The following KIF13A variants were observed in gnomAD, a reference collection of about 807,000 sequenced individuals.
KIF13A encodes kinesin family member 13A.
KIF13A carries 79 observed loss-of-function variants against 212.2 expected under a neutral mutation model. That is an observed-to-expected ratio of 0.37 (90% CI 0.31 to 0.45). The LOEUF (loss-of-function observed/expected upper bound fraction) is 0.45. Ranked by LOEUF, KIF13A falls within the 20% of genes least tolerant of loss-of-function variation. KIF13A has a pLI of 1.00. For missense variants in KIF13A, 1,901 were observed against 2,209.0 expected, an observed-to-expected ratio of 0.86 and a Z score of 2.79; for synonymous variants, 789 against 808.6, an observed-to-expected ratio of 0.98 and a Z score of 0.41.
In KIF13A at chr6:17,768,470, G is replaced by A. The variant is rs1190271054; in HGVS notation, c.4581+2644C>T. Among the ~76,000 whole-genome samples the A allele has an allele frequency of 2.0e-5, 3 of 152,124 alleles. No homozygotes were observed. Among genetic ancestry groups the A allele is most frequent in the Admixed American group, 6.5e-5 (1 of 15,270 alleles). On this transcript the variant is annotated intron_variant, in intron 38 of 38. Transcript: ENST00000259711. The surrounding 1 kb of genome is among the most constrained non-coding windows in gnomAD (Gnocchi z 5.4). The stretch of plus-strand genomic sequence containing the variant: ...TTTCCACTCCTATTATAATCATGTC[G>A]TGCTGTTCACCAGAGATCTCTGTTT...
intron 33 of KIF13A, among the ~76,000 whole-genome samples, chr6:17,778,720 A>T (rs1023646798): frequency 6.6e-6 from 1 of 152,206 alleles, no homozygotes; most frequent in Admixed American, 6.5e-5. Flanking sequence ...ATGAAATAAT[A>T]TACCTAAATT....
At chr6:17,909,844 G>C (rs542192099) in intron 2 of KIF13A, among the ~76,000 whole-genome samples, 1 of 151,982 alleles carries the variant, frequency 6.6e-6, no homozygotes, top group Non-Finnish European at 1.5e-5. Flanking sequence ...GAGATTGCAC[G>C]ACTGCACTCT....
Position 17,828,806 on chromosome 6 carries a change from T to G in KIF13A, c.1402-436A>C, listed in dbSNP as rs563788142. ...TGAAAGTGTTTTGAAAACAGTTACA[T>G]AAATTTAAGAACCATTAAAAAGCAG... On this transcript the variant is annotated intron_variant, in intron 13 of 38. Coordinates refer to ENST00000259711, the MANE Select transcript of KIF13A (RefSeq NM_022113.6). This position sits in a 1 kb window ranked among gnomAD's most constrained non-coding sequence, Gnocchi z 4.3. 6.6e-6 allele frequency among the ~76,000 whole-genome samples: 1 copy of G among 152,330 alleles called. No individual in the cohort carries two copies. Among genetic ancestry groups the G allele is most frequent in the South Asian group, 2.1e-4 (1 of 4,832 alleles).
At chr6:17,865,804 A>G (rs1380061019) in intron 4 of KIF13A, among the ~76,000 whole-genome samples, 1 of 152,172 alleles carries the variant, frequency 6.6e-6, no homozygotes, top group Non-Finnish European at 1.5e-5. Context: ...AGGGTAATAG[A>G]CCACGGACAC....
chr6:17,933,202 G>A (rs1462432530), intron 2 of KIF13A, among the ~76,000 whole-genome samples: 1 of 152,032 alleles, frequency 6.6e-6, no homozygotes, highest in Non-Finnish European at 1.5e-5. Flanking sequence ...CCAAGAAAGT[G>A]CAGGTATAAC....
chr6:17,771,243 G>C lies in KIF13A; in HGVS notation c.4477-25C>G. 1 of 1,506,088 alleles carries C rather than the reference G, an allele frequency of 6.6e-7. No individual in the cohort carries two copies. The highest frequency in any genetic ancestry group is 9.2e-7 in the Non-Finnish European group (1 of 1,086,976). The allele number at this position is 1,506,088 out of a possible 1,614,324, so 93.3% of individuals were successfully genotyped here. ...TCTGCAAAGGTTAAGACACACAGAT[G>C]CATCACACACAAAGACGACAACGGC... On this transcript the variant is annotated intron_variant, in intron 37 of 38. Transcript: ENST00000259711. The surrounding 1 kb of genome is among the most constrained non-coding windows in gnomAD (Gnocchi z 5.4).
chr6:17,884,755 C>T (rs1282414746), intron 3 of KIF13A, among the ~76,000 whole-genome samples: 2 of 152,204 alleles, frequency 1.3e-5, no homozygotes, highest in African/African-American at 4.8e-5. Context: ...TCTCTTTGTA[C>T]AATTAATCCG....
At position 17,811,833 on chromosome 6, in the gene KIF13A, TTTTC is replaced by T. The variant is rs1033139400; in HGVS notation, c.2001-2907_2001-2904del. ...TCCTTCCTTCCTTCTCTCCCTCCCT[TTTTC>T]TTTCTTTCCTTCTCTCTCTCTCTTT... On this transcript the variant is annotated intron_variant, in intron 17 of 38. Transcript: ENST00000259711. This position sits in a 1 kb window ranked among gnomAD's most constrained non-coding sequence, Gnocchi z 6.0. 8.0e-5 allele frequency among the ~76,000 whole-genome samples: 12 copies of T among 150,056 alleles called. No individual in the cohort carries two copies. The highest frequency in any genetic ancestry group is 2.9e-4 in the African/African-American group (12 of 41,006).
At chr6:17,780,296 A>T (rs192654140) in intron 31 of KIF13A, among the ~76,000 whole-genome samples, 1 of 152,226 alleles carries the variant, frequency 6.6e-6, no homozygotes, top group Non-Finnish European at 1.5e-5. Flanking sequence ...GTCTTTCCTG[A>T]GATGGCTAGA....
At chr6:17,929,821 C>T (rs1581763226) in intron 2 of KIF13A, among the ~76,000 whole-genome samples, 1 of 152,222 alleles carries the variant, frequency 6.6e-6, no homozygotes, top group Non-Finnish European at 1.5e-5. Context: ...GGGTTATAGG[C>T]GTGAGCCACC....
At chr6:17,831,804 G>A (rs1765479405) in intron 12 of KIF13A, among the ~76,000 whole-genome samples, 1 of 150,250 alleles carries the variant, frequency 6.7e-6, no homozygotes, top group South Asian at 2.2e-4. Flanking sequence ...GGTCTCTACT[G>A]CGGAAGGCCT....
chr6:17,771,484 T>C lies in KIF13A; in HGVS notation c.4477-266A>G. 2.3e-6 allele frequency: 1 copy of C among 436,750 alleles called. No homozygotes were observed. Among genetic ancestry groups the C allele is most frequent in the East Asian group, 4.0e-5 (1 of 24,966 alleles). 27.1% of individuals were successfully genotyped at this position (436,750 alleles called of 1,614,324 possible). On this transcript the variant is annotated intron_variant, in intron 37 of 38. Coordinates refer to ENST00000259711, the MANE Select transcript of KIF13A (RefSeq NM_022113.6). This position sits in a 1 kb window ranked among gnomAD's most constrained non-coding sequence, Gnocchi z 5.4. ...GCTCATGCCTGCAATCCCAGTGCCT[T>C]GGGAGGCTGGGGCAAAAGAATCACT... is the stretch of plus-strand genomic sequence containing the variant.
chr6:17,764,428 T>A lies in KIF13A; in HGVS notation c.5100A>T (p.Ser1700=), dbSNP rs748110739. Residue 1700 remains serine, a synonymous_variant, in exon 39 of 39, where the codon TCA becomes TCT. Coordinates refer to ENST00000259711, the MANE Select transcript of KIF13A (RefSeq NM_022113.6). The surrounding 1 kb of genome is among the most constrained non-coding windows in gnomAD (Gnocchi z 5.1). ...SKSLCRTGSC[S]ELDACPSKIS... is the part of the protein sequence containing the mutation. Reference sequence around the variant, plus strand: ...TTTTGCTGGGGCAGGCATCTAGTTCTGAACATGAGCCAGTCCTGCACAGTG... The same window carrying A: ...TTTTGCTGGGGCAGGCATCTAGTTCAGAACATGAGCCAGTCCTGCACAGTG... 6.2e-7 allele frequency: 1 copy of A among 1,614,050 alleles called. No homozygotes were observed. The highest frequency in any genetic ancestry group is 8.5e-7 in the Non-Finnish European group (1 of 1,179,898).
At chr6:17,761,027 T>C, downstream of KIF13A, 2 of 692,674 alleles carry the variant, frequency 2.9e-6, no homozygotes, top group Non-Finnish European at 4.9e-6. Context: ...TGGAATCCAG[T>C]GCTGGAATCC....
intron 2 of KIF13A, among the ~76,000 whole-genome samples, chr6:17,974,491 TG>T (rs1780102772): frequency 6.6e-6 from 1 of 152,200 alleles, no homozygotes; most frequent in Non-Finnish European, 1.5e-5. Context: ...AACCTTTGGA[TG>T]GCTATACCCC....
At position 17,926,203 on chromosome 6, in the gene KIF13A, C is replaced by T. The variant is rs908188342; in HGVS notation, c.147-28023G>A. On this transcript the variant is annotated intron_variant, in intron 2 of 38. Coordinates refer to ENST00000259711, the MANE Select transcript of KIF13A (RefSeq NM_022113.6). The surrounding 1 kb of genome is among the most constrained non-coding windows in gnomAD (Gnocchi z 4.3). ...AACATTCAGTTCTTGTAAACTTCCA[C>T]GAATTCCTAAATTTATCTGTCTCCT... is the stretch of plus-strand genomic sequence containing the variant. Among the ~76,000 whole-genome samples, 5 of 152,056 alleles carry T rather than the reference C, an allele frequency of 3.3e-5. No individual in the cohort carries two copies. The highest frequency in any genetic ancestry group is 1.9e-4 in the East Asian group (1 of 5,196).
chr6:17,760,800 G>T (rs114131556), downstream of KIF13A: 124 of 1,583,462 alleles, frequency 7.8e-5, no homozygotes, highest in Non-Finnish European at 1.0e-4. Flanking sequence ...GCTTGCCCAA[G>T]GTGACCAGGC....
intron 2 of KIF13A, among the ~76,000 whole-genome samples, chr6:17,970,976 C>T (rs1218602471): frequency 6.6e-6 from 1 of 152,184 alleles, no homozygotes; most frequent in Admixed American, 6.5e-5. Flanking sequence ...AACACTTTTA[C>T]AAATTTCAAT....
rs1777867100 is a variant in KIF13A, at chr6:17,951,795, C to T, written c.146+35259G>A. Among the ~76,000 whole-genome samples, 1 of 152,172 alleles carries T rather than the reference C, an allele frequency of 6.6e-6. No homozygotes were observed. The highest frequency in any genetic ancestry group is 1.5e-5 in the Non-Finnish European group (1 of 68,040). ...ATCAATGTTATATATGGCATGTCAC[C>T]ACTTTAATCCATTTTATAAATTCCA... On this transcript the variant is annotated intron_variant, in intron 2 of 38. Coordinates refer to ENST00000259711, the MANE Select transcript of KIF13A (RefSeq NM_022113.6). The surrounding 1 kb of genome is among the most constrained non-coding windows in gnomAD (Gnocchi z 4.9).
Sources: allele counts gnomAD v4.1 joint callset (sites outside exome capture counted in the v4.1 genomes callset), GRCh38; gene constraint gnomAD v4.1.1; non-coding constraint Gnocchi (gnomAD v3.1); transcripts MANE v1.5; gene names NCBI Gene and HGNC (gene_info 2026-07-23, HGNC 2026-07-21).